USH1C: variants seen among roughly 807,000 people sequenced by gnomAD.
USH1C encodes harmonin.
Under a neutral mutation model 119.3 loss-of-function variants are expected in USH1C, and 90 were observed. The observed-to-expected ratio is 0.75, with a 90% CI of 0.64 to 0.90. The LOEUF is 0.90. Ranked by LOEUF, USH1C falls within the 40% of genes least tolerant of loss-of-function variation. The pLI, the probability that USH1C is intolerant of heterozygous loss-of-function variation, is 0.00. For missense variants in USH1C, 1,165 were observed against 1,167.7 expected (o/e 1.00, Z 0.03); for synonymous variants, 465 against 443.3 (o/e 1.05, Z -0.62).
At chr11:17,494,523 C>T (rs1375302177) in intron 26 of USH1C, 147 bp from the exon 27 acceptor site, 9 of 872,046 alleles carry the variant, frequency 1.0e-5, no homozygotes, top group South Asian at 1.0e-4. Context: ...GGTGCAGGCC[C>T]CAAGTGGCTA....
intron 14 of USH1C, among the ~76,000 whole-genome samples, chr11:17,518,736 G>A (rs1850268791): frequency 1.3e-5 from 2 of 152,048 alleles, no homozygotes; most frequent in African/African-American, 2.4e-5. Context: ...TGCAGGGCCC[G>A]GGGCCAGGCA....
At chr11:17,522,703 C>T (rs1193042716) in intron 12 of USH1C, 81 bp downstream of exon 12, 1 of 1,600,730 alleles carries the variant, frequency 6.2e-7, no homozygotes, top group Non-Finnish European at 8.5e-7. Flanking sequence ...GCTGGGGACA[C>T]AGCGGGCAGG....
Position 17,520,934 on chromosome 11 carries a change from T to C in USH1C, c.1146A>G (p.Glu382=), listed in dbSNP as rs2133868202. 6.2e-7 allele frequency: 1 copy of C among 1,614,100 alleles called. No homozygotes were observed. The highest frequency in any genetic ancestry group is 2.2e-5 in the East Asian group (1 of 44,874). ...KQWEEDWGSK[E]QLLLPKTITA... is the part of the protein sequence containing the mutation. Reference sequence around the variant, plus strand: ...TGATGGTTTTAGGCAAGAGTAGCTGTTCCTTTGAGCCCCAGTCTTCTTCCC... The same window carrying C: ...TGATGGTTTTAGGCAAGAGTAGCTGCTCCTTTGAGCCCCAGTCTTCTTCCC... The change falls in exon 14 of 27, where the codon GAA becomes GAG. Residue 382 remains glutamate (E), a synonymous_variant. Transcript: ENST00000005226.
chr11:17,526,930 T>A, intron 6 of USH1C, 86 bp downstream of exon 6: 1 of 1,571,098 alleles, frequency 6.4e-7, no homozygotes, highest in Non-Finnish European at 8.6e-7. Flanking sequence ...GAAGCAGGGC[T>A]GGCATGGTGG....
Position 17,498,249 on chromosome 11 carries a change from C to G in USH1C, c.2403G>C (p.Glu801Asp). 1 of 1,614,218 alleles carries G rather than the reference C, an allele frequency of 6.2e-7. No individual in the cohort carries two copies. The highest frequency in any genetic ancestry group is 8.5e-7 in the Non-Finnish European group (1 of 1,180,036). The change falls in exon 24 of 27, where the codon GAG becomes GAC. Residue 801 changes from glutamate to aspartate, a missense_variant. By Grantham distance (45) the Glu-to-Asp change is conservative. Coordinates refer to ENST00000005226, the MANE Select transcript of USH1C (RefSeq NM_153676.4). ...ERHGGIVKGDEIMAINGKIVT... is the reference protein window; with the variant it reads ...ERHGGIVKGDDIMAINGKIVT... ...CAATCTTGCCGTTGATTGCCATGAT[C>G]TCGTCCCCTTTCACAATGCCACCTG...
intron 14 of USH1C, chr11:17,517,565 G>A (rs1565044012): frequency 1.6e-6 from 2 of 1,259,606 alleles, no homozygotes; most frequent in Non-Finnish European, 2.2e-6. Context: ...TTGGGGACCT[G>A]TAATCAGCTT....
In USH1C at chr11:17,526,495, C is replaced by T. The variant is rs1850682074; in HGVS notation, c.580-54G>A. On this transcript the variant is annotated intron_variant, in intron 7 of 26. Coordinates refer to ENST00000005226, the MANE Select transcript of USH1C (RefSeq NM_153676.4). The stretch of plus-strand genomic sequence containing the variant: ...GAGTGTCCACATGCGTGCAAGCGGC[C>T]TCTTGAGCTTGTGGGATCTGCAGGG... 2.6e-6 allele frequency: 4 copies of T among 1,517,096 alleles called. No homozygotes were observed. The South Asian group carries it at 4.6e-5, about 17-fold the overall frequency. 94.0% of individuals were successfully genotyped at this position (1,517,096 alleles called of 1,614,324 possible). A position where few individuals can be genotyped will look rare whatever the true frequency, so the allele number is the denominator to read the frequency against.
Position 17,496,750 on chromosome 11 carries a change from A to G in USH1C, c.2546+8T>C. ...GAGGTCTCAGGCTAGGTGCTTGCAC[A>G]CACTTACAGCTCATCGTCATACTCC... On this transcript the variant is annotated splice_region_variant and intron_variant, in intron 25 of 26. Coordinates refer to ENST00000005226, the MANE Select transcript of USH1C (RefSeq NM_153676.4). The G allele has an allele frequency of 6.2e-7, 1 of 1,614,204 alleles. No homozygotes were observed. The highest frequency in any genetic ancestry group is 8.5e-7 in the Non-Finnish European group (1 of 1,180,006).
intron 1 of USH1C, among the ~76,000 whole-genome samples, chr11:17,534,117 G>A (rs567063955): frequency 2.1e-4 from 32 of 152,360 alleles, no homozygotes; most frequent in African/African-American, 7.7e-4. Context: ...TCTCTCTTCA[G>A]CCCAAGAACG....
chr11:17,508,850 T>C (rs1565031674), intron 18 of USH1C, among the ~76,000 whole-genome samples: 1 of 152,246 alleles, frequency 6.6e-6, no homozygotes. Context: ...TGGAATGTCC[T>C]AATACTGCAT....
At chr11:17,540,310 G>C (rs1261748572) in intron 1 of USH1C, among the ~76,000 whole-genome samples, 2 of 152,114 alleles carry the variant, frequency 1.3e-5, no homozygotes, top group Non-Finnish European at 2.9e-5. Context: ...ATGTCAGCTA[G>C]TTTGTAGTAT....
chr11:17,501,607 G>A (rs1167345107), intron 21 of USH1C, 72 bp from the exon 22 acceptor site: 7 of 1,516,514 alleles, frequency 4.6e-6, no homozygotes, highest in Non-Finnish European at 6.3e-6. Flanking sequence ...GCTGGAAGGG[G>A]AATCCAGGCA....
At chr11:17,499,847 T>TTACCACCTCCATTC (rs1341909276) in intron 23 of USH1C, among the ~76,000 whole-genome samples, 1 of 152,200 alleles carries the variant, frequency 6.6e-6, no homozygotes, top group Non-Finnish European at 1.5e-5. Flanking sequence ...CCCTTACCTC[T>TTACCACCTCCATTC]TACCACCTCC....
chr11:17,519,591 A>G (rs1426600973), intron 14 of USH1C, among the ~76,000 whole-genome samples: 1 of 152,192 alleles, frequency 6.6e-6, no homozygotes, highest in Non-Finnish European at 1.5e-5. Context: ...TGAAGCTCCT[A>G]TTTCACTCGT....
chr11:17,504,619 T>A (rs368026455), intron 20 of USH1C, 28 bp downstream of exon 20: 20 of 1,613,316 alleles, frequency 1.2e-5, no homozygotes, highest in Non-Finnish European at 1.7e-5. Context: ...TGGGGAGACC[T>A]CCAGACACAC....
rs191375575 is a variant in USH1C, at chr11:17,524,793, C to T, written c.675-258G>A. 0.023 allele frequency among the ~76,000 whole-genome samples: 3,553 copies of T among 152,266 alleles called. 142 individuals carry two copies. Among genetic ancestry groups the T allele is most frequent in the African/African-American group, 0.08 (3,329 of 41,524 alleles). On this transcript the variant is annotated intron_variant, in intron 8 of 26. Transcript: ENST00000005226. Reference sequence around the variant, plus strand: ...TTCTTTCTAGCACTTTCCTGTCCATCCATTAAGACTCAAATGCTATCCCTT... The same window carrying T: ...TTCTTTCTAGCACTTTCCTGTCCATTCATTAAGACTCAAATGCTATCCCTT...
intron 21 of USH1C, among the ~76,000 whole-genome samples, 162 bp from the exon 22 acceptor site, chr11:17,501,697 G>T (rs1392511524): frequency 1.3e-5 from 2 of 152,108 alleles, no homozygotes; most frequent in African/African-American, 4.8e-5. Context: ...TTCAACTGGG[G>T]GTCCCAGGCC....
intron 23 of USH1C, among the ~76,000 whole-genome samples, 177 bp downstream of exon 23, chr11:17,500,874 C>T (rs568758016): frequency 5.3e-5 from 8 of 152,320 alleles, no homozygotes; most frequent in Admixed American, 1.3e-4. Context: ...TCACAGGTCC[C>T]GGCGCCATCC....
chr11:17,518,072 T>A (rs544120882), intron 14 of USH1C, among the ~76,000 whole-genome samples: 1 of 152,358 alleles, frequency 6.6e-6, no homozygotes, highest in East Asian at 1.9e-4. Flanking sequence ...GACTCTGGCC[T>A]CCGGCCTCCC....
Sources: allele counts gnomAD v4.1 joint callset (sites outside exome capture counted in the v4.1 genomes callset), GRCh38; gene constraint gnomAD v4.1.1; transcripts MANE v1.5; gene names NCBI Gene and HGNC (gene_info 2026-07-23, HGNC 2026-07-21).